Variants in RBM41 observed in about 807,000 individuals in gnomAD.
RBM41 encodes the protein RNA-binding protein 41.
In RBM41, 14 loss-of-function variants were observed where a neutral mutation model predicts 30.8. The ratio of observed to expected loss-of-function variants is 0.45; its 90% CI spans 0.30 to 0.71. RBM41 has a LOEUF of 0.71. RBM41 is among the 30% of genes least tolerant of loss of function. RBM41 has a pLI of 0.08. For synonymous variants in RBM41, 120 were observed against 110.1 expected (o/e 1.09, Z -0.56); for missense variants, 276 against 326.3 (o/e 0.85, Z 1.19).
chrX:107,059,299 T>C (rs757395100), downstream of RBM41, among the ~76,000 whole-genome samples: 3 of 105,654 alleles, frequency 2.8e-5, no homozygotes, highest in South Asian at 1.3e-3. Flanking sequence ...TGAGAACACA[T>C]GGACACAGGT....
intron 5 of RBM41, among the ~76,000 whole-genome samples, chrX:107,097,333 T>C (rs1433951743): frequency 8.9e-6 from 1 of 111,966 alleles, no homozygotes; most frequent in Non-Finnish European, 1.9e-5. Flanking sequence ...GTATATCTAT[T>C]GACATGGTTT....
intron 3 of RBM41, 25 bp downstream of exon 3, chrX:107,115,837 C>CAA: frequency 2.7e-6 from 3 of 1,118,291 alleles, no homozygotes; most frequent in Non-Finnish European, 2.4e-6. Flanking sequence ...GAAAAACCAA[C>CAA]AAAAAAAAAC....
At chrX:107,076,308 C>G (rs1334729233) in intron 6 of RBM41, among the ~76,000 whole-genome samples, 1 of 100,432 alleles carries the variant, frequency 1.0e-5, no homozygotes, top group Non-Finnish European at 2.0e-5. Context: ...CAGTGCCAGA[C>G]TCCGTCTCAA....
In RBM41 at chrX:107,117,282, A is replaced by C. The variant is rs146293430; in HGVS notation, c.9-516T>G. Among the ~76,000 whole-genome samples, 667 of 112,356 alleles carry C rather than the reference A, an allele frequency of 5.9e-3. 5 individuals are homozygous for C. Among genetic ancestry groups the C allele is most frequent in the African/African-American group, 0.02 (633 of 30,932 alleles). On this transcript the variant is annotated intron_variant, in intron 1 of 7. Coordinates refer to ENST00000685964, the MANE Select transcript of RBM41 (RefSeq NM_001324242.2). ...TACTGAAGGATAATAAGAAGTAGTA[A>C]TTTATCAAACAGTTAAGTGACACAG...
chrX:107,114,661 T>C (rs1423835912), intron 4 of RBM41: 1 of 110,969 alleles, frequency 9.0e-6, no homozygotes, highest in African/African-American at 3.3e-5. Context: ...CCAACAACAC[T>C]TAACAAATGT....
At chrX:107,081,612 C>T (rs1332566080) in intron 6 of RBM41, among the ~76,000 whole-genome samples, 1 of 112,140 alleles carries the variant, frequency 8.9e-6, no homozygotes, top group Non-Finnish European at 1.9e-5. Flanking sequence ...GAACTGATAT[C>T]TTAACAATAT....
intron 6 of RBM41, among the ~76,000 whole-genome samples, chrX:107,079,673 T>G (rs1169747463): frequency 8.9e-6 from 1 of 111,983 alleles, no homozygotes; most frequent in African/African-American, 3.2e-5. Context: ...TCACTCTTTG[T>G]GCTATGTAGT....
intron 4 of RBM41, 116 bp from the exon 5 acceptor site, chrX:107,113,584 C>T: frequency 1.2e-6 from 1 of 858,450 alleles, no homozygotes; most frequent in Non-Finnish European, 1.5e-6. Flanking sequence ...TGTATTCTCT[C>T]ACTTAATCCT....
At chrX:107,099,754 G>A (rs367665605) in intron 5 of RBM41, among the ~76,000 whole-genome samples, 3 of 109,903 alleles carry the variant, frequency 2.7e-5, no homozygotes, top group Admixed American at 1.9e-4. Flanking sequence ...GGAACTGTTC[G>A]GGGAACTGTT....
intron 6 of RBM41, among the ~76,000 whole-genome samples, chrX:107,082,151 T>G (rs752850417): frequency 1.3e-3 from 145 of 111,626 alleles, no homozygotes; most frequent in African/African-American, 4.6e-3. Flanking sequence ...TGTAGGGTGT[T>G]GCAGATATTC....
intron 5 of RBM41, among the ~76,000 whole-genome samples, chrX:107,111,680 C>T (rs1344067920): frequency 9.0e-6 from 1 of 111,689 alleles, no homozygotes; most frequent in Middle Eastern, 4.6e-3. Flanking sequence ...GTGCTATATA[C>T]ATACAATGGG....
At chrX:107,083,903 T>C (rs1921773423) in intron 6 of RBM41, among the ~76,000 whole-genome samples, 1 of 108,862 alleles carries the variant, frequency 9.2e-6, no homozygotes, top group Admixed American at 9.9e-5. Flanking sequence ...TTGTTTTGCC[T>C]CTTCAGAATG....
intron 5 of RBM41, among the ~76,000 whole-genome samples, chrX:107,097,170 T>C (rs1923050779): frequency 1.8e-5 from 2 of 111,729 alleles, no homozygotes; most frequent in South Asian, 7.5e-4. Flanking sequence ...CTCAAATTGG[T>C]TATACACGGA....
At chrX:107,083,939 G>A (rs1380048880) in intron 6 of RBM41, among the ~76,000 whole-genome samples, 1 of 102,675 alleles carries the variant, frequency 9.7e-6, no homozygotes, top group Non-Finnish European at 2.0e-5. Context: ...TTTAGCATAC[G>A]TTATAATTTC....
chrX:107,085,104 A>C (rs1418013412), intron 6 of RBM41, among the ~76,000 whole-genome samples: 1 of 111,335 alleles, frequency 9.0e-6, no homozygotes, highest in Non-Finnish European at 1.9e-5. Context: ...GGGTTTCTCT[A>C]GGATAGATAA....
intron 5 of RBM41, 97 bp from the exon 6 acceptor site, chrX:107,088,936 A>C: frequency 9.3e-7 from 1 of 1,070,099 alleles, no homozygotes; most frequent in Non-Finnish European, 1.2e-6. Flanking sequence ...CAGATAAAGA[A>C]ACACTGCTGG....
intron 6 of RBM41, among the ~76,000 whole-genome samples, chrX:107,078,922 A>G (rs1297479039): frequency 9.0e-6 from 1 of 110,923 alleles, no homozygotes; most frequent in Non-Finnish European, 1.9e-5. Context: ...AAAGAACAAT[A>G]AAATAATGAT....
intron 5 of RBM41, among the ~76,000 whole-genome samples, chrX:107,110,567 A>AT (rs200050158): frequency 0.013 from 1,475 of 111,498 alleles, 57 homozygotes; most frequent in Admixed American, 0.1. Context: ...CGTCAATAAC[A>AT]TTTTTTTACA....
intron 6 of RBM41, among the ~76,000 whole-genome samples, chrX:107,072,963 C>A (rs1258028471): frequency 1.8e-5 from 2 of 110,572 alleles, no homozygotes; most frequent in African/African-American, 6.6e-5. Flanking sequence ...AAACCAGACC[C>A]CCATCTCTCA....
Sources: allele counts gnomAD v4.1 joint callset (sites outside exome capture counted in the v4.1 genomes callset), GRCh38; gene constraint gnomAD v4.1.1; transcripts MANE v1.5; gene names NCBI Gene and HGNC (gene_info 2026-07-23, HGNC 2026-07-21).